The following DLG2 variants were observed in gnomAD, a reference collection of about 807,000 sequenced individuals.
The protein encoded by DLG2 is discs large MAGUK scaffold protein 2.
In DLG2, 45 loss-of-function variants were observed where a neutral mutation model predicts 132.5. The ratio of observed to expected loss-of-function variants is 0.34; its 90% CI spans 0.27 to 0.44. The LOEUF (loss-of-function observed/expected upper bound fraction) is 0.44, where lower values mean the gene tolerates loss of function less well. DLG2 is among the 20% of genes least tolerant of loss of function. The pLI is 1.00. For missense variants in DLG2, 1,045 were observed against 1,196.9 expected (o/e 0.87, Z 1.87); for synonymous variants, 424 against 419.6 (o/e 1.01, Z -0.13).
At chr11:84,762,377 CA>C (rs2067752122) in intron 6 of DLG2, among the ~76,000 whole-genome samples, 1 of 152,078 alleles carries the variant, frequency 6.6e-6, no homozygotes, top group African/African-American at 2.4e-5. Context: ...TAACTTAATA[CA>C]ATGCTCGGAA....
At chr11:84,851,653 G>A (rs1488242167) in intron 6 of DLG2, among the ~76,000 whole-genome samples, 2 of 151,962 alleles carry the variant, frequency 1.3e-5, no homozygotes, top group Admixed American at 6.6e-5. Flanking sequence ...TTGATGGAGG[G>A]TGTAGTCTTT....
chr11:85,432,277 G>C (rs531061297), intron 3 of DLG2, among the ~76,000 whole-genome samples: 1 of 152,258 alleles, frequency 6.6e-6, no homozygotes, highest in East Asian at 1.9e-4. Context: ...TCCTCCAAAT[G>C]ATTACAACAC....
intron 7 of DLG2, among the ~76,000 whole-genome samples, chr11:84,453,537 A>G (rs770604855): frequency 6.6e-6 from 1 of 151,656 alleles, no homozygotes; most frequent in Admixed American, 6.6e-5. Flanking sequence ...GGTTCCAACA[A>G]GTATTTCAGG....
chr11:83,790,510 C>T (rs1248874367), intron 17 of DLG2: 1 of 1,267,890 alleles, frequency 7.9e-7, no homozygotes, highest in Non-Finnish European at 1.1e-6. Context: ...GAGACATAAA[C>T]TCTTGCAACA....
intron 7 of DLG2, among the ~76,000 whole-genome samples, chr11:84,532,423 G>A (rs1204768027): frequency 6.6e-6 from 1 of 152,020 alleles, no homozygotes; most frequent in East Asian, 1.9e-4. Context: ...AAGTTCTTTG[G>A]GAGGTATGCT....
chr11:83,483,747 T>C (rs2093315742), intron 22 of DLG2, among the ~76,000 whole-genome samples: 1 of 151,814 alleles, frequency 6.6e-6, no homozygotes, highest in East Asian at 1.9e-4. Context: ...ATAAAGATAA[T>C]TTAATTGTTC....
intron 3 of DLG2, among the ~76,000 whole-genome samples, chr11:85,356,386 A>G (rs969478114): frequency 3.9e-5 from 6 of 151,900 alleles, no homozygotes; most frequent in African/African-American, 1.5e-4. Context: ...TTACATAATG[A>G]TGAGGAAAGG....
intron 19 of DLG2, among the ~76,000 whole-genome samples, chr11:83,626,798 G>T (rs1241211761): frequency 6.6e-6 from 1 of 152,116 alleles, no homozygotes; most frequent in Non-Finnish European, 1.5e-5. Context: ...GGCTTCTACT[G>T]AATTCCTTTC....
chr11:84,128,884 T>C (rs960370166), intron 9 of DLG2, among the ~76,000 whole-genome samples: 1 of 152,186 alleles, frequency 6.6e-6, no homozygotes, highest in African/African-American at 2.4e-5. Context: ...GAGTTCAACA[T>C]ACAATTTATA....
chr11:83,880,969 T>C (rs2066087216), intron 15 of DLG2, among the ~76,000 whole-genome samples: 1 of 152,196 alleles, frequency 6.6e-6, no homozygotes, highest in Non-Finnish European at 1.5e-5. Context: ...TTAGTTATCT[T>C]TGCTTGTATG....
intron 3 of DLG2, among the ~76,000 whole-genome samples, chr11:85,512,300 A>T (rs1598137612): frequency 6.6e-6 from 1 of 152,260 alleles, no homozygotes; most frequent in South Asian, 2.1e-4. Context: ...TTTAGCAAAG[A>T]TGTAGATAGA....
intron 18 of DLG2, among the ~76,000 whole-genome samples, chr11:83,639,921 A>AGTGGTTGT (rs923615399): frequency 1.3e-5 from 2 of 152,272 alleles, no homozygotes; most frequent in African/African-American, 4.8e-5. Context: ...CACATCACAA[A>AGTGGTTGT]GTGGTTGTGA....
intron 6 of DLG2, among the ~76,000 whole-genome samples, chr11:84,598,854 T>C (rs895686762): frequency 1.3e-5 from 2 of 151,398 alleles, no homozygotes; most frequent in East Asian, 3.9e-4. Flanking sequence ...AGGGGAAGGA[T>C]TGCTTGGGCT....
intron 6 of DLG2, among the ~76,000 whole-genome samples, chr11:85,025,191 T>A (rs560020424): frequency 1.3e-5 from 2 of 152,296 alleles, no homozygotes; most frequent in African/African-American, 4.8e-5. Flanking sequence ...CATCATACCA[T>A]GATAGCACTG....
chr11:84,177,214 C>G (rs2095995760), intron 8 of DLG2, among the ~76,000 whole-genome samples: 1 of 152,020 alleles, frequency 6.6e-6, no homozygotes, highest in African/African-American at 2.4e-5. Flanking sequence ...CCAAGTTTTC[C>G]CTGTATAACT....
At chr11:84,880,468 G>A (rs1361671187) in intron 6 of DLG2, among the ~76,000 whole-genome samples, 1 of 152,082 alleles carries the variant, frequency 6.6e-6, no homozygotes, top group Non-Finnish European at 1.5e-5. Context: ...AGACATGGTT[G>A]CTTTGTCCCG....
chr11:84,789,178 A>G (rs1372567544), intron 6 of DLG2, among the ~76,000 whole-genome samples: 1 of 152,142 alleles, frequency 6.6e-6, no homozygotes, highest in Non-Finnish European at 1.5e-5. Flanking sequence ...ATTGGATAGC[A>G]TGTTCTGCCA....
chr11:85,456,605 G>A (rs1169793755), intron 3 of DLG2, among the ~76,000 whole-genome samples: 1 of 152,110 alleles, frequency 6.6e-6, no homozygotes, highest in Non-Finnish European at 1.5e-5. Flanking sequence ...TGGGCATTTA[G>A]TGCTATAAAC....
Position 84,344,920 on chromosome 11 carries a change from A to C in DLG2, c.520-93629T>G, listed in dbSNP as rs547257131. 2.6e-5 allele frequency among the ~76,000 whole-genome samples: 4 copies of C among 152,290 alleles called. No individual in the cohort carries two copies. In the South Asian group the frequency reaches 6.2e-4, roughly 24 times the overall value. On this transcript the variant is annotated intron_variant, in intron 7 of 27. Transcript: ENST00000376104. The stretch of plus-strand genomic sequence containing the variant: ...CAATTTGGATTATAGAGGGTAAAAC[A>C]CATGATATTTCTTTTGTACATTTAA...
Sources: gnomAD v4.1 joint callset for allele counts (sites outside exome capture counted in the v4.1 genomes callset) on GRCh38, gnomAD v4.1.1 for gene constraint, MANE v1.5 for transcripts, NCBI Gene and HGNC (gene_info 2026-07-23, HGNC 2026-07-21) for gene names.